The following LINGO2 variants were observed in gnomAD, a reference collection of about 807,000 sequenced individuals.
LINGO2 encodes the protein leucine-rich repeat and immunoglobulin-like domain-containing nogo receptor-interacting protein 2.
Under a neutral mutation model 30.6 loss-of-function variants are expected in LINGO2, and 14 were observed. The ratio of observed to expected loss-of-function variants is 0.46; its 90% CI spans 0.30 to 0.72. The LOEUF (loss-of-function observed/expected upper bound fraction) is 0.72, where lower values mean the gene tolerates loss of function less well. Among genes scored for constraint, LINGO2 ranks in the 30% least tolerant of loss-of-function variants. LINGO2 has a pLI of 0.07. For missense variants in LINGO2, 729 were observed against 751.7 expected (o/e 0.97, Z 0.35); for synonymous variants, 317 against 288.5 (o/e 1.10, Z -1.00).
intron 1 of LINGO2, among the ~76,000 whole-genome samples, chr9:28,609,933 A>T (rs886443682): frequency 6.6e-6 from 1 of 152,142 alleles, no homozygotes; most frequent in African/African-American, 2.4e-5. Flanking sequence ...ATATCCATCT[A>T]CTTGTCATTG....
chr9:27,978,012 C>G lies in LINGO2; in HGVS notation c.-35-27306G>C, dbSNP rs141720720. On this transcript the variant is annotated intron_variant, in intron 5 of 5. Coordinates refer to ENST00000379992, the Ensembl canonical transcript of LINGO2. ...TTTTGGTGTAGCTGAGTGTGTGGCTCGACTGCTCTTAGCTGCCTCTTGCTG... is the reference window on the plus strand; with the variant it reads ...TTTTGGTGTAGCTGAGTGTGTGGCTGGACTGCTCTTAGCTGCCTCTTGCTG... 2.6e-3 allele frequency among the ~76,000 whole-genome samples: 388 copies of G among 152,036 alleles called. 2 individuals are homozygous for G. The highest frequency in any genetic ancestry group is 8.9e-3 in the African/African-American group (369 of 41,512).
At chr9:28,617,933 A>G (rs1313167716) in intron 1 of LINGO2, among the ~76,000 whole-genome samples, 1 of 152,140 alleles carries the variant, frequency 6.6e-6, no homozygotes, top group Non-Finnish European at 1.5e-5. Flanking sequence ...AAATATACTC[A>G]TTTATGAAGA....
At chr9:28,215,056 C>T (rs1228912779) in intron 4 of LINGO2, among the ~76,000 whole-genome samples, 2 of 151,556 alleles carry the variant, frequency 1.3e-5, no homozygotes, top group African/African-American at 4.8e-5. Context: ...CATAATTCTT[C>T]TCATGGTTTA....
At chr9:28,753,970 T>TC in the LINGO2 span, among the ~76,000 whole-genome samples, 3 of 151,760 alleles carry the variant, frequency 2.0e-5, no homozygotes, top group Non-Finnish European at 4.4e-5. Flanking sequence ...TTGATTTTTT[T>TC]CCACTTTAAT....
At chr9:28,465,637 G>T (rs1825270624) in intron 2 of LINGO2, among the ~76,000 whole-genome samples, 1 of 152,072 alleles carries the variant, frequency 6.6e-6, no homozygotes, top group African/African-American at 2.4e-5. Context: ...AAAAGCTTCT[G>T]CATAGCAAAG....
At chr9:28,551,361 T>C (rs1052796688) in intron 1 of LINGO2, among the ~76,000 whole-genome samples, 4 of 151,858 alleles carry the variant, frequency 2.6e-5, no homozygotes, top group Admixed American at 2.0e-4. Flanking sequence ...ATAAAGTATG[T>C]ATATTTATTA....
intron 1 of LINGO2, among the ~76,000 whole-genome samples, chr9:28,617,726 CT>C (rs537226353): frequency 0.02 from 3,000 of 151,436 alleles, 98 homozygotes; most frequent in African/African-American, 0.065. Context: ...TTCATCTTTA[CT>C]TTTTTTTTAT....
chr9:28,672,032 T>C (rs1381095181), upstream of LINGO2, among the ~76,000 whole-genome samples: 1 of 152,134 alleles, frequency 6.6e-6, no homozygotes, highest in African/African-American at 2.4e-5. Context: ...TATAACTCAC[T>C]TTGAGGAGAA....
intron 5 of LINGO2, among the ~76,000 whole-genome samples, chr9:28,003,374 GATAGATAGATAT>G (rs1324471840): frequency 0.018 from 2,622 of 145,152 alleles, 83 homozygotes; most frequent in African/African-American, 0.062. Context: ...TAGATAGATA[GATAGATAGATAT>G]AGAGAGAGAG....
the LINGO2 span, among the ~76,000 whole-genome samples, chr9:29,076,046 T>C: frequency 6.6e-6 from 1 of 151,774 alleles, no homozygotes; most frequent in African/African-American, 2.4e-5. Flanking sequence ...TTTTTTTTAA[T>C]TTTCGTTGTT....
chr9:28,090,247 A>C (rs1367833473), intron 4 of LINGO2, among the ~76,000 whole-genome samples: 1 of 152,186 alleles, frequency 6.6e-6, no homozygotes, highest in Non-Finnish European at 1.5e-5. Flanking sequence ...AAAGCCTGAC[A>C]GAAACACAAC....
chr9:29,061,147 TCACTGAA>T, the LINGO2 span, among the ~76,000 whole-genome samples: 1 of 151,960 alleles, frequency 6.6e-6, no homozygotes, highest in Non-Finnish European at 1.5e-5. Flanking sequence ...ACATCCAGTA[TCACTGAA>T]TACTGCTCAA....
chr9:28,357,872 A>G lies in LINGO2; in HGVS notation c.-246+14964T>C, dbSNP rs573402034. Among the ~76,000 whole-genome samples, 4 of 152,282 alleles carry G rather than the reference A, an allele frequency of 2.6e-5. No individual in the cohort carries two copies. In the South Asian group the frequency reaches 8.3e-4, roughly 32 times the overall value. On this transcript the variant is annotated intron_variant, in intron 3 of 5. Coordinates refer to ENST00000379992, the Ensembl canonical transcript of LINGO2. The stretch of plus-strand genomic sequence containing the variant: ...GTTCCTAGCACCTAGTAGGGAATCA[A>G]TACATATTAGCTACATTGATCACAT...
At chr9:29,174,179 T>TCTTC in the LINGO2 span, among the ~76,000 whole-genome samples, 2 of 152,190 alleles carry the variant, frequency 1.3e-5, no homozygotes, top group African/African-American at 4.8e-5. Context: ...CATTTGAAAT[T>TCTTC]GAAGATGATG....
At chr9:28,085,461 G>A (rs537340775) in intron 4 of LINGO2, among the ~76,000 whole-genome samples, 76 of 151,982 alleles carry the variant, frequency 5.0e-4, no homozygotes, top group Non-Finnish European at 6.9e-4. Context: ...TACTAGAGCT[G>A]GCTTTAACGT....
At chr9:28,340,358 G>T (rs1825727939) in intron 3 of LINGO2, among the ~76,000 whole-genome samples, 1 of 152,022 alleles carries the variant, frequency 6.6e-6, no homozygotes, top group African/African-American at 2.4e-5. Flanking sequence ...ACAGAAAATA[G>T]CACAGTGAAA....
chr9:28,386,987 C>G (rs1411224191), intron 2 of LINGO2, among the ~76,000 whole-genome samples: 5 of 152,096 alleles, frequency 3.3e-5, no homozygotes, highest in Admixed American at 2.0e-4. Flanking sequence ...ACACTGTGTA[C>G]CTAATATAGG....
chr9:28,385,179 A>C lies in LINGO2; in HGVS notation c.-278-12311T>G, dbSNP rs1166830753. Among the ~76,000 whole-genome samples, 6 of 152,144 alleles carry C rather than the reference A, an allele frequency of 3.9e-5. No homozygotes were observed. In the East Asian group the frequency reaches 7.7e-4, roughly 20 times the overall value. On this transcript the variant is annotated intron_variant, in intron 2 of 5. Transcript: ENST00000379992. ...AGAATATGTTTTTATGGCCAATCTT[A>C]AAAGAAGCATTACCTTCCTTTCATT...
chr9:28,486,930 G>GA (rs1186064830), intron 1 of LINGO2, among the ~76,000 whole-genome samples: 1 of 152,046 alleles, frequency 6.6e-6, no homozygotes, highest in African/African-American at 2.4e-5. Context: ...GACACAAAGA[G>GA]AAAAAACATT....
Sources: gnomAD v4.1 joint callset for allele counts (sites outside exome capture counted in the v4.1 genomes callset) on GRCh38, gnomAD v4.1.1 for gene constraint, MANE v1.5 for transcripts, NCBI Gene and HGNC (gene_info 2026-07-23, HGNC 2026-07-21) for gene names.